The following STAC variants were observed in gnomAD, a reference collection of about 807,000 sequenced individuals.
The protein encoded by STAC is SH3 and cysteine rich domain.
A neutral mutation model predicts 48.8 loss-of-function variants in STAC; 43 were observed. The ratio of observed to expected loss-of-function variants is 0.88; its 90% CI spans 0.69 to 1.14. The LOEUF (loss-of-function observed/expected upper bound fraction) is 1.14. STAC is among the 50% of genes most tolerant of loss of function. STAC has a pLI of 0.00. For missense variants in STAC, 497 were observed against 504.0 expected, an observed-to-expected ratio of 0.99 and a Z score of 0.13; for synonymous variants, 193 against 179.5, an observed-to-expected ratio of 1.07 and a Z score of -0.60.
In STAC at chr3:36,511,962, T is replaced by A. The variant is rs373614083; in HGVS notation, c.920+6128T>A. On this transcript the variant is annotated intron_variant, in intron 8 of 10. Coordinates refer to ENST00000273183, the MANE Select transcript of STAC (RefSeq NM_003149.3). Reference sequence around the variant, plus strand: ...TATCTAGCAAGACATCATAGCAGATTTATTTATCCTGCTGGAGTCTCACAA... The same window carrying A: ...TATCTAGCAAGACATCATAGCAGATATATTTATCCTGCTGGAGTCTCACAA... Among the ~76,000 whole-genome samples, 34 of 152,240 alleles carry A rather than the reference T, an allele frequency of 2.2e-4. No individual in the cohort carries two copies. In the South Asian group the frequency reaches 6.8e-3, roughly 31 times the overall value.
At chr3:36,384,061 T>G (rs1263991819) in intron 1 of STAC, among the ~76,000 whole-genome samples, 2 of 152,218 alleles carry the variant, frequency 1.3e-5, no homozygotes, top group African/African-American at 4.8e-5. Context: ...TACCCTTCTA[T>G]CTTCCCACTA....
chr3:36,474,938 A>C (rs545004710), intron 2 of STAC, among the ~76,000 whole-genome samples: 50 of 152,326 alleles, frequency 3.3e-4, no homozygotes, highest in Non-Finnish European at 6.0e-4. Flanking sequence ...TACAGAAGTA[A>C]AAAAGTAGAA....
chr3:36,398,626 AAG>A (rs1347554440), intron 1 of STAC, among the ~76,000 whole-genome samples: 18 of 107,174 alleles, frequency 1.7e-4, no homozygotes, highest in African/African-American at 4.8e-4. Context: ...GGAAGAGAAA[AAG>A]AGAGAGAAAG....
chr3:36,423,346 C>T (rs892345731), intron 1 of STAC, among the ~76,000 whole-genome samples: 3 of 151,708 alleles, frequency 2.0e-5, no homozygotes, highest in Non-Finnish European at 4.4e-5. Flanking sequence ...TGAAGAACTA[C>T]AGGTCTCTGC....
intron 1 of STAC, among the ~76,000 whole-genome samples, chr3:36,425,740 T>G (rs1036707065): frequency 3.9e-5 from 6 of 152,178 alleles, no homozygotes; most frequent in Non-Finnish European, 7.3e-5. Flanking sequence ...AAAGAAATAT[T>G]CTTGGCTGGG....
chr3:36,410,208 G>C (rs1700165554), intron 1 of STAC, among the ~76,000 whole-genome samples: 1 of 152,136 alleles, frequency 6.6e-6, no homozygotes, highest in Non-Finnish European at 1.5e-5. Flanking sequence ...GTGTATTTGT[G>C]TACATATTAC....
chr3:36,496,023 C>T (rs1000327553), intron 6 of STAC, among the ~76,000 whole-genome samples: 12 of 152,182 alleles, frequency 7.9e-5, no homozygotes, highest in African/African-American at 2.7e-4. Context: ...ACAATATCCC[C>T]CGTATAGATA....
chr3:36,402,401 A>G lies in STAC; in HGVS notation c.111+21647A>G, dbSNP rs578178376. On this transcript the variant is annotated intron_variant, in intron 1 of 10. Transcript: ENST00000273183. The stretch of plus-strand genomic sequence containing the variant: ...GGTGAGCATGTGCTGGACAGTTACT[A>G]CATACGATCTTGTATGCATTATTCT... Among the ~76,000 whole-genome samples the G allele has an allele frequency of 2.0e-4, 30 of 152,130 alleles. No individual in the cohort carries two copies. In the South Asian group the frequency reaches 5.8e-3, roughly 29 times the overall value.
In STAC at chr3:36,506,458, T is replaced by C. The variant is rs531656488; in HGVS notation, c.920+624T>C. On this transcript the variant is annotated intron_variant, in intron 8 of 10. Transcript: ENST00000273183. The stretch of plus-strand genomic sequence containing the variant: ...ACTTTAAAGTAGTTTTTTCTAATTC[T>C]GTGAAGAAAGTCAGTGGTAGCTTGA... Among the ~76,000 whole-genome samples, 6 of 152,342 alleles carry C rather than the reference T, an allele frequency of 3.9e-5. No homozygotes were observed. The East Asian group carries it at 1.2e-3, about 29-fold the overall frequency.
chr3:36,443,641 G>A lies in STAC; in HGVS notation c.388+1G>A. On this transcript the variant is annotated splice_donor_variant, in intron 2 of 10. Transcript: ENST00000273183. LOFTEE classifies it high-confidence loss of function. This position sits in a 1 kb window ranked among gnomAD's most constrained non-coding sequence, Gnocchi z 4.2. ...GATGTCTGCAACCACATGATAGTGG[G>A]TAAGGCCTCCCACCCCTTTCTCCAG... 2 of 1,609,150 alleles carry A rather than the reference G, an allele frequency of 1.2e-6. No homozygotes were observed. Among genetic ancestry groups the A allele is most frequent in the Non-Finnish European group, 1.7e-6 (2 of 1,179,632 alleles).
intron 6 of STAC, among the ~76,000 whole-genome samples, chr3:36,498,246 T>C (rs576020866): frequency 8.5e-5 from 13 of 152,204 alleles, no homozygotes; most frequent in African/African-American, 2.9e-4. Flanking sequence ...GAAAGTCAAA[T>C]AGAACTTCGA....
At chr3:36,534,746 G>T (rs947522260) in intron 10 of STAC, among the ~76,000 whole-genome samples, 9 of 151,488 alleles carry the variant, frequency 5.9e-5, no homozygotes, top group African/African-American at 1.9e-4. Context: ...TGTGAGGCAG[G>T]GTCTCACTCC....
intron 3 of STAC, 28 bp downstream of exon 3, chr3:36,483,120 C>T: frequency 6.5e-7 from 1 of 1,543,908 alleles, no homozygotes; most frequent in Non-Finnish European, 9.0e-7. Flanking sequence ...GAGTGAGGCC[C>T]ACACCTCTCT....
chr3:36,461,993 G>C (rs12494487), intron 2 of STAC, among the ~76,000 whole-genome samples: 3 of 152,106 alleles, frequency 2.0e-5, no homozygotes, highest in South Asian at 4.1e-4. Context: ...CTTCAATGGC[G>C]TGGGGGCGAG....
chr3:36,390,923 A>G (rs1575170228), intron 1 of STAC, among the ~76,000 whole-genome samples: 1 of 152,164 alleles, frequency 6.6e-6, no homozygotes, highest in East Asian at 1.9e-4. Flanking sequence ...CTTGAGTCAG[A>G]TTTGTTAACT....
intron 1 of STAC, among the ~76,000 whole-genome samples, chr3:36,382,292 T>C (rs1180967644): frequency 1.3e-5 from 2 of 152,220 alleles, no homozygotes; most frequent in Non-Finnish European, 2.9e-5. Context: ...ACTTTTTGAA[T>C]TGGCCTGTTG....
rs1017505613 is a variant in STAC, at chr3:36,493,340, T to C, written c.766+111T>C. ...TTTCTCTGCTAGCTCTGGAATTTAA[T>C]CAGGGCGAGTGTTCAATGTTCTGGA... On this transcript the variant is annotated intron_variant, in intron 6 of 10. Transcript: ENST00000273183. 1.8e-5 allele frequency: 17 copies of C among 956,296 alleles called. No individual in the cohort carries two copies. In the African/African-American group the frequency reaches 2.7e-4, roughly 15 times the overall value. 59.2% of individuals were successfully genotyped at this position (956,296 alleles called of 1,614,324 possible). A position where few individuals can be genotyped will look rare whatever the true frequency, so the allele number is the denominator to read the frequency against.
intron 10 of STAC, among the ~76,000 whole-genome samples, chr3:36,531,202 C>T (rs1699057691): frequency 2.0e-5 from 3 of 152,102 alleles, no homozygotes; most frequent in Admixed American, 6.5e-5. Flanking sequence ...TGCTCAACTT[C>T]ATGAATACAG....
intron 2 of STAC, among the ~76,000 whole-genome samples, chr3:36,449,871 GA>G (rs751459193): frequency 6.6e-6 from 1 of 152,208 alleles, no homozygotes; most frequent in Non-Finnish European, 1.5e-5. Context: ...AGGAAGTGAG[GA>G]GGCCTGCTCT....
Sources: gnomAD v4.1 joint callset for allele counts (sites outside exome capture counted in the v4.1 genomes callset) on GRCh38, gnomAD v4.1.1 for gene constraint, Gnocchi (gnomAD v3.1) non-coding constraint, MANE v1.5 for transcripts, NCBI Gene and HGNC (gene_info 2026-07-23, HGNC 2026-07-21) for gene names.